THSD7B: variants seen among roughly 807,000 people sequenced by gnomAD.
The protein encoded by THSD7B is thrombospondin type 1 domain containing 7B.
THSD7B carries 138 observed loss-of-function variants against 213.6 expected under a neutral mutation model. That is an observed-to-expected ratio of 0.65 (90% CI 0.56 to 0.74). THSD7B has a LOEUF of 0.74. Among genes scored for constraint, THSD7B ranks in the 30% least tolerant of loss-of-function variants. THSD7B has a pLI of 0.00. For missense variants in THSD7B, 1,931 were observed against 1,991.5 expected (o/e 0.97, Z 0.58); for synonymous variants, 742 against 687.0 (o/e 1.08, Z -1.25).
chr2:136,830,638 CTTT>C (rs1424226883), intron 1 of THSD7B, among the ~76,000 whole-genome samples: 1 of 152,094 alleles, frequency 6.6e-6, no homozygotes, highest in Non-Finnish European at 1.5e-5. Context: ...TCCTTTCAGA[CTTT>C]TGTTTCCCAT....
In THSD7B at chr2:136,938,515, C is replaced by A. The variant is rs143410940; in HGVS notation, c.139+56198C>A. The stretch of plus-strand genomic sequence containing the variant: ...ACATTCTTATTTATTTCCCTATGTA[C>A]TGTGTATATTTTTTCATTTGCCTGG... On this transcript the variant is annotated intron_variant, in intron 2 of 27. Coordinates refer to ENST00000409968, the MANE Select transcript of THSD7B (RefSeq NM_001316349.2). 4.8e-3 allele frequency among the ~76,000 whole-genome samples: 724 copies of A among 152,016 alleles called. 2 individuals are homozygous for A. Among genetic ancestry groups the A allele is most frequent in the Non-Finnish European group, 8.4e-3 (568 of 67,984 alleles).
chr2:137,676,446 T>TATC, intron 27 of THSD7B, 78 bp from the exon 28 acceptor site: 5 of 1,286,782 alleles, frequency 3.9e-6, no homozygotes, highest in East Asian at 2.6e-5. Context: ...TAAATTTCTG[T>TATC]ATCTCAAAAT....
intron 17 of THSD7B, among the ~76,000 whole-genome samples, chr2:137,574,082 T>A (rs181496539): frequency 1.3e-5 from 2 of 152,096 alleles, no homozygotes; most frequent in African/African-American, 4.8e-5. Flanking sequence ...TAATTAAATG[T>A]AAGGTCATGA....
At chr2:136,920,066 T>G (rs376194322) in intron 2 of THSD7B, among the ~76,000 whole-genome samples, 1 of 152,214 alleles carries the variant, frequency 6.6e-6, no homozygotes, top group Non-Finnish European at 1.5e-5. Flanking sequence ...AGCTCTTCTC[T>G]CCTTCTTGTC....
intron 12 of THSD7B, among the ~76,000 whole-genome samples, chr2:137,380,236 A>G (rs758666506): frequency 3.4e-5 from 5 of 145,942 alleles, no homozygotes; most frequent in Non-Finnish European, 7.4e-5. Context: ...AAAAAGCGAT[A>G]ACTCATCTCT....
chr2:136,844,041 A>G (rs564459518), intron 1 of THSD7B, among the ~76,000 whole-genome samples: 42 of 152,276 alleles, frequency 2.8e-4, no homozygotes, highest in African/African-American at 9.9e-4. Flanking sequence ...ACTGAAAGCA[A>G]TGTTCTTCCA....
In THSD7B at chr2:137,130,721, T is replaced by C. The variant is rs1688713739; in HGVS notation, c.1369+15428T>C. Among the ~76,000 whole-genome samples, 5 of 149,964 alleles carry C rather than the reference T, an allele frequency of 3.3e-5. No homozygotes were observed. In the South Asian group the frequency reaches 1.1e-3, roughly 32 times the overall value. ...AAGGACATGAAGTCATCATTTTTTA[T>C]GGCTGCATAGTATTCCATGGTGTAT... On this transcript the variant is annotated intron_variant, in intron 5 of 27. Transcript: ENST00000409968.
chr2:137,650,098 G>A (rs1383842235), intron 21 of THSD7B, among the ~76,000 whole-genome samples: 2 of 151,990 alleles, frequency 1.3e-5, no homozygotes, highest in African/African-American at 4.8e-5. Context: ...TACATTTTAC[G>A]ATGTTTTTCT....
intron 2 of THSD7B, among the ~76,000 whole-genome samples, chr2:136,983,358 G>GAC (rs778968995): frequency 4.5e-4 from 47 of 105,130 alleles, no homozygotes; most frequent in African/African-American, 1.4e-3. Flanking sequence ...CAGACACACA[G>GAC]ACACACACAC....
chr2:136,946,670 C>T (rs553933658), intron 2 of THSD7B, among the ~76,000 whole-genome samples: 4 of 152,208 alleles, frequency 2.6e-5, no homozygotes, highest in Non-Finnish European at 5.9e-5. Context: ...CTTTGTTTAT[C>T]TACTCAAGCC....
chr2:136,879,551 A>G (rs1439688133), intron 1 of THSD7B, among the ~76,000 whole-genome samples: 4 of 152,186 alleles, frequency 2.6e-5, no homozygotes, highest in African/African-American at 7.2e-5. Flanking sequence ...ACCCATGAGC[A>G]TGGAATGTTC....
intron 16 of THSD7B, among the ~76,000 whole-genome samples, chr2:137,568,066 A>G (rs1681276993): frequency 6.6e-6 from 1 of 152,162 alleles, no homozygotes; most frequent in Non-Finnish European, 1.5e-5. Context: ...AATTGTTTCA[A>G]AGGCTTTTTG....
chr2:137,663,635 CACT>C, intron 26 of THSD7B, 60 bp downstream of exon 26: 1 of 1,422,508 alleles, frequency 7.0e-7, no homozygotes, highest in Non-Finnish European at 9.5e-7. Flanking sequence ...ATATTTTGAC[CACT>C]TCTCATGATG....
In THSD7B at chr2:137,425,050, C is replaced by T. The variant is rs192895985; in HGVS notation, c.2959+13178C>T. 3.5e-3 allele frequency among the ~76,000 whole-genome samples: 519 copies of T among 148,306 alleles called. 1 individual carries two copies. Among genetic ancestry groups the T allele is most frequent in the East Asian group, 0.017 (86 of 4,988 alleles). The stretch of plus-strand genomic sequence containing the variant: ...TCGCGCCACTGCACTCCAGCCTGGG[C>T]GACAGAGCAAGACTCTGTCTCAAAA... On this transcript the variant is annotated intron_variant, in intron 14 of 27. Transcript: ENST00000409968.
At chr2:137,503,569 G>A (rs1362059293) in intron 15 of THSD7B, among the ~76,000 whole-genome samples, 1 of 152,214 alleles carries the variant, frequency 6.6e-6, no homozygotes, top group African/African-American at 2.4e-5. Flanking sequence ...TGCAGCTGAA[G>A]AGTCATAAAA....
chr2:137,040,927 G>C (rs536460232), intron 2 of THSD7B, among the ~76,000 whole-genome samples: 1 of 152,154 alleles, frequency 6.6e-6, no homozygotes, highest in East Asian at 1.9e-4. Context: ...GAATTATGAG[G>C]TACTCAAACT....
At chr2:136,986,969 G>A (rs1685684379) in intron 2 of THSD7B, among the ~76,000 whole-genome samples, 1 of 152,224 alleles carries the variant, frequency 6.6e-6, no homozygotes, top group African/African-American at 2.4e-5. Context: ...AGAGACGTTA[G>A]TGACAGCAAA....
intron 15 of THSD7B, among the ~76,000 whole-genome samples, chr2:137,540,887 C>G (rs373826954): frequency 6.6e-6 from 1 of 151,656 alleles, no homozygotes; most frequent in African/African-American, 2.4e-5. Flanking sequence ...AAAGAGCATG[C>G]AAGTATATAG....
At chr2:137,044,988 A>G (rs1686944532) in intron 2 of THSD7B, among the ~76,000 whole-genome samples, 1 of 152,196 alleles carries the variant, frequency 6.6e-6, no homozygotes, top group Admixed American at 6.5e-5. Context: ...ATCAATGGCA[A>G]CATGTTTCTC....
Sources: gnomAD v4.1 joint callset for allele counts (sites outside exome capture counted in the v4.1 genomes callset) on GRCh38, gnomAD v4.1.1 for gene constraint, MANE v1.5 for transcripts, NCBI Gene and HGNC (gene_info 2026-07-23, HGNC 2026-07-21) for gene names.